The following CNTN1 variants were observed in gnomAD, a reference collection of about 807,000 sequenced individuals.
CNTN1 encodes the protein contactin 1.
CNTN1 carries 38 observed loss-of-function variants against 126.4 expected under a neutral mutation model. That is an observed-to-expected ratio of 0.30 (90% CI 0.23 to 0.39). The LOEUF is 0.39. Ranked by LOEUF, CNTN1 falls within the 10% of genes least tolerant of loss-of-function variation. The pLI, the probability that CNTN1 is intolerant of heterozygous loss-of-function variation, is 1.00. For synonymous variants in CNTN1, 413 were observed against 422.6 expected (o/e 0.98, Z 0.28); for missense variants, 1,009 against 1,248.4 (o/e 0.81, Z 2.89).
chr12:40,836,104 ACATATACAGGTATATATATACG>A (rs1942045736), intron 1 of CNTN1, among the ~76,000 whole-genome samples: 1 of 148,070 alleles, frequency 6.8e-6, no homozygotes, highest in African/African-American at 2.5e-5. Flanking sequence ...ATATATACGT[ACATATACAGGTATATATATACG>A]TACATATACA....
chr12:41,067,117 A>G (rs1950062311), intron 23 of CNTN1, among the ~76,000 whole-genome samples: 1 of 152,244 alleles, frequency 6.6e-6, no homozygotes, highest in Non-Finnish European at 1.5e-5. Context: ...GACATTAGAT[A>G]GTACTTCAAT....
intron 23 of CNTN1, among the ~76,000 whole-genome samples, chr12:41,035,059 C>T (rs761894021): frequency 9.9e-5 from 15 of 152,094 alleles, no homozygotes; most frequent in South Asian, 2.1e-4. Flanking sequence ...TATGTCAGGC[C>T]GTGAACAGCA....
intron 1 of CNTN1, among the ~76,000 whole-genome samples, chr12:40,697,582 T>G (rs1490421255): frequency 6.6e-6 from 1 of 152,224 alleles, no homozygotes; most frequent in Non-Finnish European, 1.5e-5. Context: ...TAGTGTCTCT[T>G]TGTAGCTTTC....
At chr12:40,922,554 C>T in intron 5 of CNTN1, 126 bp downstream of exon 5, 1 of 833,598 alleles carries the variant, frequency 1.2e-6, no homozygotes, top group South Asian at 1.4e-5. Flanking sequence ...GATGAGTGGA[C>T]CCTAATTGTG....
intron 1 of CNTN1, among the ~76,000 whole-genome samples, chr12:40,782,207 A>G (rs1939831086): frequency 6.6e-6 from 1 of 151,958 alleles, no homozygotes; most frequent in Non-Finnish European, 1.5e-5. Flanking sequence ...ATATTAAAGT[A>G]TTATAGTTTT....
intron 1 of CNTN1, among the ~76,000 whole-genome samples, chr12:40,810,076 A>C (rs555490708): frequency 5.9e-5 from 9 of 152,206 alleles, no homozygotes; most frequent in South Asian, 2.1e-4. Flanking sequence ...TATATGCAAA[A>C]GTTTTTAGAT....
At chr12:40,724,446 C>A (rs1273921859) in intron 1 of CNTN1, among the ~76,000 whole-genome samples, 7 of 152,216 alleles carry the variant, frequency 4.6e-5, no homozygotes, top group Non-Finnish European at 7.3e-5. Flanking sequence ...ACTTCCAACA[C>A]AACTTAATTT....
intron 1 of CNTN1, among the ~76,000 whole-genome samples, chr12:40,696,915 T>C (rs1941465260): frequency 6.6e-6 from 1 of 152,222 alleles, no homozygotes; most frequent in Admixed American, 6.5e-5. Flanking sequence ...ATTATAGATT[T>C]GAGTTTACAG....
At chr12:40,804,753 G>A (rs1372972873) in intron 1 of CNTN1, among the ~76,000 whole-genome samples, 1 of 151,906 alleles carries the variant, frequency 6.6e-6, no homozygotes, top group Non-Finnish European at 1.5e-5. Flanking sequence ...TTAATGTATA[G>A]GCCAAATTTC....
At chr12:40,818,970 G>C (rs1854481) in intron 1 of CNTN1, among the ~76,000 whole-genome samples, 79 of 152,024 alleles carry the variant, frequency 5.2e-4, no homozygotes, top group African/African-American at 1.8e-3. Context: ...CCGGGGGTTC[G>C]CTTCAGGCCT....
At chr12:40,920,338 C>T (rs1427117705) in intron 4 of CNTN1, among the ~76,000 whole-genome samples, 2 of 85,288 alleles carry the variant, frequency 2.3e-5, no homozygotes, top group African/African-American at 6.6e-5. Flanking sequence ...AAAAGCAAAG[C>T]TTTGCTTTGC....
intron 2 of CNTN1, 112 bp downstream of exon 2, chr12:40,908,605 C>T: frequency 1.4e-6 from 1 of 718,522 alleles, no homozygotes; most frequent in East Asian, 2.7e-5. Context: ...ACATCTGGGT[C>T]AGATAAGTAG....
In CNTN1 at chr12:40,813,707, C is replaced by T. The variant is rs144221559; in HGVS notation, c.-76-94650C>T. Among the ~76,000 whole-genome samples the T allele has an allele frequency of 2.5e-3, 375 of 152,222 alleles. 1 individual carries two copies. The highest frequency in any genetic ancestry group is 8.6e-3 in the African/African-American group (357 of 41,524). On this transcript the variant is annotated intron_variant, in intron 1 of 23. Coordinates refer to ENST00000551295, the MANE Select transcript of CNTN1 (RefSeq NM_001843.4). ...TCATTTATATTCCTTTGGGTATATA[C>T]CCAGTAATGGGATTGCTGGGTCAAA...
At chr12:40,755,574 C>T (rs1010628491) in intron 1 of CNTN1, among the ~76,000 whole-genome samples, 5 of 151,954 alleles carry the variant, frequency 3.3e-5, no homozygotes, top group African/African-American at 1.2e-4. Context: ...AAAAAAACAG[C>T]TGGGCTTGGT....
chr12:40,724,008 T>C (rs920187046), intron 1 of CNTN1, among the ~76,000 whole-genome samples: 13 of 152,190 alleles, frequency 8.5e-5, no homozygotes, highest in African/African-American at 3.1e-4. Flanking sequence ...TCTGCCTTGG[T>C]ATAAAGACTG....
chr12:40,711,286 T>C (rs927802232), intron 1 of CNTN1, among the ~76,000 whole-genome samples: 1 of 152,194 alleles, frequency 6.6e-6, no homozygotes, highest in Non-Finnish European at 1.5e-5. Flanking sequence ...CTTTTCTAGC[T>C]ATGTTTTTCT....
At chr12:40,894,708 A>G (rs1944348395) in intron 1 of CNTN1, among the ~76,000 whole-genome samples, 1 of 152,126 alleles carries the variant, frequency 6.6e-6, no homozygotes, top group Non-Finnish European at 1.5e-5. Flanking sequence ...AGTATATTTC[A>G]TTTCCCTTCC....
At chr12:40,802,625 C>T (rs147844380) in intron 1 of CNTN1, among the ~76,000 whole-genome samples, 8 of 151,812 alleles carry the variant, frequency 5.3e-5, no homozygotes, top group Non-Finnish European at 1.0e-4. Flanking sequence ...AAATCAGGAC[C>T]GTAAGATGTA....
At chr12:40,744,219 C>T (rs923492320) in intron 1 of CNTN1, among the ~76,000 whole-genome samples, 3 of 151,730 alleles carry the variant, frequency 2.0e-5, no homozygotes, top group Non-Finnish European at 2.9e-5. Flanking sequence ...TTGATAGGTG[C>T]AGCAAACCAC....
Sources: gnomAD v4.1 joint callset for allele counts (sites outside exome capture counted in the v4.1 genomes callset) on GRCh38, gnomAD v4.1.1 for gene constraint, MANE v1.5 for transcripts, NCBI Gene and HGNC (gene_info 2026-07-23, HGNC 2026-07-21) for gene names.